The following CAMKMT variants were observed in gnomAD, a reference collection of about 807,000 sequenced individuals.
CAMKMT encodes the protein calmodulin-lysine N-methyltransferase, also known as CaM KMT.
In CAMKMT, 53 loss-of-function variants were observed where a neutral mutation model predicts 48.0. The ratio of observed to expected loss-of-function variants is 1.10; its 90% CI spans 0.89 to 1.39. The LOEUF is 1.39. Among genes scored for constraint, CAMKMT ranks in the 40% most tolerant of loss-of-function variants. The pLI is 0.00. For synonymous variants in CAMKMT, 165 were observed against 152.3 expected, an observed-to-expected ratio of 1.08 and a Z score of -0.61; for missense variants, 428 against 402.7, an observed-to-expected ratio of 1.06 and a Z score of -0.54.
At chr2:44,454,550 C>T (rs902813170) in intron 3 of CAMKMT, among the ~76,000 whole-genome samples, 7 of 152,096 alleles carry the variant, frequency 4.6e-5, no homozygotes, top group African/African-American at 1.7e-4. Context: ...CTCTGGGTTC[C>T]CAAGGCACTG....
At chr2:44,369,071 A>G (rs1024533770) in intron 1 of CAMKMT, among the ~76,000 whole-genome samples, 1 of 151,996 alleles carries the variant, frequency 6.6e-6, no homozygotes, top group Non-Finnish European at 1.5e-5. Context: ...TTTAGTAGAG[A>G]TGGGGTTTCA....
rs1677021633 is a variant in CAMKMT at position 44,697,533 on chromosome 2, C to G, written c.377-6750C>G. On this transcript the variant is annotated intron_variant, in intron 3 of 10. Transcript: ENST00000378494. ...GTTTGAGGTTGCCTAAAAATCTTAGCAAATGAGGGGGGAAAAGACCTTTAT... is the reference window on the plus strand; with the variant it reads ...GTTTGAGGTTGCCTAAAAATCTTAGGAAATGAGGGGGGAAAAGACCTTTAT... 1.3e-5 allele frequency among the ~76,000 whole-genome samples: 2 copies of G among 151,824 alleles called. 1 individual carries two copies. The highest frequency in any genetic ancestry group is 2.9e-5 in the Non-Finnish European group (2 of 67,982).
intron 3 of CAMKMT, among the ~76,000 whole-genome samples, chr2:44,541,770 CAAAAA>C (rs34738217): frequency 1.5e-5 from 1 of 67,232 alleles, no homozygotes; most frequent in African/African-American, 4.8e-5. Flanking sequence ...AACTCTGTCT[CAAAAA>C]AAAAAAAAAA....
Position 44,738,660 on chromosome 2 carries a change from A to G in CAMKMT, c.624-4962A>G, listed in dbSNP as rs181362295. ...TACAAAACAGATTTTAAAAATCTGTATCCCTGTGGTGCTTATATTCTAGTG... is the reference window on the plus strand; with the variant it reads ...TACAAAACAGATTTTAAAAATCTGTGTCCCTGTGGTGCTTATATTCTAGTG... On this transcript the variant is annotated intron_variant, in intron 7 of 10. Coordinates refer to ENST00000378494, the MANE Select transcript of CAMKMT (RefSeq NM_024766.5). Among the ~76,000 whole-genome samples the G allele has an allele frequency of 7.0e-4, 107 of 152,354 alleles. 1 individual carries two copies. Among genetic ancestry groups the G allele is most frequent in the African/African-American group, 2.4e-3 (100 of 41,586 alleles).
intron 3 of CAMKMT, among the ~76,000 whole-genome samples, chr2:44,692,199 C>T (rs562631466): frequency 6.6e-6 from 1 of 152,154 alleles, no homozygotes; most frequent in South Asian, 2.1e-4. Context: ...TGATAAAATT[C>T]CCTGAATAGA....
intron 3 of CAMKMT, among the ~76,000 whole-genome samples, chr2:44,692,744 G>C (rs907589417): frequency 6.6e-6 from 1 of 152,174 alleles, no homozygotes; most frequent in Admixed American, 6.5e-5. Context: ...TATAGTTGAA[G>C]ACCCCCCAGA....
chr2:44,428,548 C>T (rs1001308735), intron 3 of CAMKMT, among the ~76,000 whole-genome samples: 2 of 152,218 alleles, frequency 1.3e-5, no homozygotes, highest in South Asian at 2.1e-4. Context: ...GGAACCCTCG[C>T]CAGGGACCCC....
In CAMKMT at chr2:44,704,375, C is replaced by T. The variant is rs1405417112; in HGVS notation, c.437+32C>T. ...AGCTGCACTTAAGATATTTTTTAGC[C>T]CATCACGGATATTGAATCAACATAT... On this transcript the variant is annotated intron_variant, in intron 4 of 10. Coordinates refer to ENST00000378494, the MANE Select transcript of CAMKMT (RefSeq NM_024766.5). The T allele has an allele frequency of 2.8e-6, 4 of 1,441,638 alleles. No homozygotes were observed. The East Asian group carries it at 9.4e-5, about 34-fold the overall frequency. 89.3% of individuals were successfully genotyped at this position (1,441,638 alleles called of 1,614,324 possible).
chr2:44,693,945 C>A (rs373731099), intron 3 of CAMKMT, among the ~76,000 whole-genome samples: 1 of 152,112 alleles, frequency 6.6e-6, no homozygotes, highest in East Asian at 1.9e-4. Flanking sequence ...CTTGAGGGAG[C>A]TAGAGAAAGG....
chr2:44,601,735 A>C (rs982478147), intron 3 of CAMKMT, among the ~76,000 whole-genome samples: 3 of 151,704 alleles, frequency 2.0e-5, no homozygotes, highest in African/African-American at 7.3e-5. Flanking sequence ...TTGTTTTTTT[A>C]AGTTATTTTT....
intron 3 of CAMKMT, among the ~76,000 whole-genome samples, chr2:44,452,490 C>T (rs1667344075): frequency 6.6e-6 from 1 of 151,848 alleles, no homozygotes; most frequent in Admixed American, 6.6e-5. Flanking sequence ...ATGTGGGCTC[C>T]CCACCTACCT....
intron 3 of CAMKMT, among the ~76,000 whole-genome samples, chr2:44,496,302 T>C (rs970726881): frequency 3.9e-5 from 6 of 152,200 alleles, no homozygotes; most frequent in African/African-American, 1.4e-4. Context: ...TCCGATACTA[T>C]TGCACAATAT....
intron 3 of CAMKMT, among the ~76,000 whole-genome samples, chr2:44,421,399 C>G (rs1028964194): frequency 6.6e-6 from 1 of 152,134 alleles, no homozygotes; most frequent in African/African-American, 2.4e-5. Flanking sequence ...TAAAGATCCT[C>G]TCTCAGCTAA....
chr2:44,660,256 G>A (rs899521254), intron 3 of CAMKMT, among the ~76,000 whole-genome samples: 14 of 152,094 alleles, frequency 9.2e-5, no homozygotes, highest in Non-Finnish European at 1.9e-4. Context: ...TTGCCATAAC[G>A]TATGTTATGT....
At chr2:44,707,492 G>C (rs1558808888) in intron 6 of CAMKMT, 30 bp downstream of exon 6, 3 of 1,587,774 alleles carry the variant, frequency 1.9e-6, no homozygotes, top group Non-Finnish European at 2.6e-6. Flanking sequence ...AAACGGGTTT[G>C]TTGTGCTCAT....
Position 44,696,195 on chromosome 2 carries a change from A to C in CAMKMT, c.377-8088A>C, listed in dbSNP as rs149897333. ...TGACCTTAAGTGATCTGCCCGCCTC[A>C]GCCTCCCAAAGTGCTGGGATTACAG... On this transcript the variant is annotated intron_variant, in intron 3 of 10. Coordinates refer to ENST00000378494, the MANE Select transcript of CAMKMT (RefSeq NM_024766.5). 4.0e-3 allele frequency among the ~76,000 whole-genome samples: 611 copies of C among 152,292 alleles called. 3 individuals are homozygous for C. Among genetic ancestry groups the C allele is most frequent in the African/African-American group, 0.014 (581 of 41,570 alleles).
intron 3 of CAMKMT, among the ~76,000 whole-genome samples, chr2:44,437,671 A>C (rs1451741811): frequency 6.6e-6 from 1 of 151,992 alleles, no homozygotes; most frequent in Non-Finnish European, 1.5e-5. Context: ...AACATGGTGA[A>C]ACCCCCGTCT....
intron 3 of CAMKMT, among the ~76,000 whole-genome samples, chr2:44,516,909 T>C (rs1016592981): frequency 6.6e-6 from 1 of 151,916 alleles, no homozygotes; most frequent in African/African-American, 2.4e-5. Context: ...GCCCAGCTAA[T>C]TTTTGTACTT....
intron 3 of CAMKMT, among the ~76,000 whole-genome samples, chr2:44,621,564 G>A (rs1438524120): frequency 6.6e-6 from 1 of 152,156 alleles, no homozygotes; most frequent in Non-Finnish European, 1.5e-5. Flanking sequence ...AAATACAAAG[G>A]AGCTGAAAGA....
Sources: gnomAD v4.1 joint callset for allele counts (sites outside exome capture counted in the v4.1 genomes callset) on GRCh38, gnomAD v4.1.1 for gene constraint, MANE v1.5 for transcripts, NCBI Gene and HGNC (gene_info 2026-07-23, HGNC 2026-07-21) for gene names.